The following NIPSNAP2 variants were observed in gnomAD, a reference collection of about 807,000 sequenced individuals.
NIPSNAP2 encodes protein NipSnap homolog 2.
In NIPSNAP2, 42 loss-of-function variants were observed where a neutral mutation model predicts 48.4. The ratio of observed to expected loss-of-function variants is 0.87; its 90% CI spans 0.68 to 1.12. The LOEUF (loss-of-function observed/expected upper bound fraction) is 1.12, where lower values mean the gene tolerates loss of function less well. NIPSNAP2 is among the 50% of genes most tolerant of loss of function. NIPSNAP2 has a pLI of 0.00. For missense variants in NIPSNAP2, 314 were observed against 347.3 expected (o/e 0.90, Z 0.76); for synonymous variants, 158 against 126.6 (o/e 1.25, Z -1.67).
intron 1 of NIPSNAP2, among the ~76,000 whole-genome samples, chr7:55,977,673 G>A (rs1318847342): frequency 6.6e-6 from 1 of 152,058 alleles, no homozygotes. Context: ...ACCATTTTAA[G>A]CATACAGTTC....
At chr7:55,968,789 G>A (rs1228397318) in intron 1 of NIPSNAP2, among the ~76,000 whole-genome samples, 1 of 152,106 alleles carries the variant, frequency 6.6e-6, no homozygotes. Context: ...ACTGTAGGAG[G>A]CCAAGGCTCA....
At chr7:55,995,278 AGAGTGGT>A (rs1278792387) in intron 8 of NIPSNAP2, among the ~76,000 whole-genome samples, 2 of 152,154 alleles carry the variant, frequency 1.3e-5, no homozygotes, top group African/African-American at 4.8e-5. Flanking sequence ...TGCCTTCCAC[AGAGTGGT>A]CCCAGCCTTT....
chr7:55,984,821 C>A, intron 6 of NIPSNAP2, 26 bp from the exon 7 acceptor site: 1 of 1,573,964 alleles, frequency 6.4e-7, no homozygotes, highest in Non-Finnish European at 8.6e-7. Context: ...GAAGAACTAA[C>A]AAACCAAATC....
At chr7:55,964,723 G>T in intron 1 of NIPSNAP2, 22 bp downstream of exon 1, 2 of 1,100,708 alleles carry the variant, frequency 1.8e-6, no homozygotes, top group South Asian at 4.4e-5. Context: ...CGCCCTTCCC[G>T]GGAGGTGCCG....
intron 7 of NIPSNAP2, among the ~76,000 whole-genome samples, chr7:55,992,672 A>G (rs569674013): frequency 4.2e-4 from 64 of 152,258 alleles, no homozygotes; most frequent in South Asian, 2.1e-3. Context: ...GTAGGTTGCT[A>G]TCCTTGTTTA....
At chr7:55,993,945 G>A (rs1209566353) in intron 7 of NIPSNAP2, among the ~76,000 whole-genome samples, 1 of 151,412 alleles carries the variant, frequency 6.6e-6, no homozygotes, top group Non-Finnish European at 1.5e-5. Flanking sequence ...AAAAAAGCAA[G>A]AGGCAGCTTT....
At chr7:55,973,439 G>A (rs1787049680) in intron 1 of NIPSNAP2, among the ~76,000 whole-genome samples, 1 of 151,594 alleles carries the variant, frequency 6.6e-6, no homozygotes. Context: ...ATTATTTATA[G>A]AGCACATTTT....
chr7:55,982,516 A>G lies in NIPSNAP2; in HGVS notation c.444+236A>G, dbSNP rs182229663. Among the ~76,000 whole-genome samples the G allele has an allele frequency of 5.3e-5, 8 of 152,264 alleles. No individual in the cohort carries two copies. The East Asian group carries it at 9.7e-4, about 18-fold the overall frequency. On this transcript the variant is annotated intron_variant, in intron 5 of 9. Coordinates refer to ENST00000322090, the MANE Select transcript of NIPSNAP2 (RefSeq NM_001483.3). ...GTAATCCCAGCACTTTGGGAGGCCA[A>G]GGCAGGCGGATCACAAGGTCAGGAG...
At chr7:55,977,728 T>A (rs1787130661) in intron 1 of NIPSNAP2, among the ~76,000 whole-genome samples, 1 of 152,134 alleles carries the variant, frequency 6.6e-6, no homozygotes, top group South Asian at 2.1e-4. Flanking sequence ...ATCACTACCA[T>A]TCATCTTGAG....
intron 7 of NIPSNAP2, among the ~76,000 whole-genome samples, chr7:55,986,750 A>G (rs1787336269): frequency 6.6e-6 from 1 of 152,158 alleles, no homozygotes; most frequent in African/African-American, 2.4e-5. Flanking sequence ...AATATTTGCA[A>G]ATCATATGTC....
intron 3 of NIPSNAP2, chr7:55,980,040 T>C: frequency 3.2e-6 from 1 of 313,822 alleles, no homozygotes; most frequent in Non-Finnish European, 6.4e-6. Context: ...GGCTTCCTCC[T>C]GGGCACTGCC....
chr7:55,983,997 A>ATATATATGTT, intron 6 of NIPSNAP2, 129 bp downstream of exon 6: 1 of 675,846 alleles, frequency 1.5e-6, no homozygotes, highest in Non-Finnish European at 2.2e-6. Flanking sequence ...ATATATATGT[A>ATATATATGTT]TTTTTTTAAG....
intron 1 of NIPSNAP2, among the ~76,000 whole-genome samples, chr7:55,968,952 C>T (rs946251888): frequency 3.3e-5 from 5 of 151,238 alleles, no homozygotes; most frequent in Admixed American, 6.6e-5. Flanking sequence ...GTGGCTGAAG[C>T]AAGGTAATTG....
rs899944365 is a variant in NIPSNAP2 at position 55,994,883 on chromosome 7, C to A, written c.618-11C>A. ...TCAGTGTCTTAAACAAACATCATCT[C>A]ATTCTTACAGGGCTCGTGCAATCCG... On this transcript the variant is annotated splice_polypyrimidine_tract_variant and intron_variant, in intron 7 of 9. Coordinates refer to ENST00000322090, the MANE Select transcript of NIPSNAP2 (RefSeq NM_001483.3). 1.2e-6 allele frequency: 2 copies of A among 1,612,128 alleles called. No homozygotes were observed. The highest frequency in any genetic ancestry group is 3.3e-5 in the Admixed American group (2 of 60,018).
intron 1 of NIPSNAP2, among the ~76,000 whole-genome samples, chr7:55,971,646 T>G (rs924201673): frequency 2.0e-5 from 3 of 152,054 alleles, no homozygotes; most frequent in Non-Finnish European, 4.4e-5. Flanking sequence ...TATTTTTTTT[T>G]GTAGAGACAG....
At chr7:55,987,866 G>A (rs947437653) in intron 7 of NIPSNAP2, among the ~76,000 whole-genome samples, 13 of 152,162 alleles carry the variant, frequency 8.5e-5, no homozygotes, top group Admixed American at 3.9e-4. Flanking sequence ...AAATGAAAAT[G>A]TTTTGGAGAT....
At chr7:55,993,638 G>T (rs2116374968) in intron 7 of NIPSNAP2, among the ~76,000 whole-genome samples, 1 of 151,458 alleles carries the variant, frequency 6.6e-6, no homozygotes, top group African/African-American at 2.4e-5. Context: ...TACTCAGGAG[G>T]CTGAGACACG....
At chr7:55,986,883 A>T (rs2006649) in intron 7 of NIPSNAP2, among the ~76,000 whole-genome samples, 26,190 of 150,642 alleles carry the variant, frequency 0.17, 2,845 homozygotes, top group East Asian at 0.35. Flanking sequence ...GTGGTGGCTC[A>T]CACCCGTAAT....
chr7:55,976,065 TGTGTG>T (rs1787101855), intron 1 of NIPSNAP2, among the ~76,000 whole-genome samples: 16 of 137,134 alleles, frequency 1.2e-4, no homozygotes, highest in Admixed American at 9.0e-4. Flanking sequence ...TGTGTGTGTG[TGTGTG>T]TAGAAATTGT....
Sources: allele counts gnomAD v4.1 joint callset (sites outside exome capture counted in the v4.1 genomes callset), GRCh38; gene constraint gnomAD v4.1.1; transcripts MANE v1.5; gene names NCBI Gene and HGNC (gene_info 2026-07-23, HGNC 2026-07-21).